Variants in GRHL2 observed in about 807,000 individuals in gnomAD.
GRHL2 encodes the protein grainyhead-like protein 2 homolog.
A neutral mutation model predicts 83.8 loss-of-function variants in GRHL2; 21 were observed. That is an observed-to-expected ratio of 0.25 (90% confidence interval 0.18 to 0.36). The LOEUF is 0.36. Among genes scored for constraint, GRHL2 ranks in the 10% least tolerant of loss-of-function variants. The pLI, the probability that GRHL2 is intolerant of heterozygous loss-of-function variation, is 1.00. For synonymous variants in GRHL2, 280 were observed against 278.9 expected, an observed-to-expected ratio of 1.00 and a Z score of -0.04; for missense variants, 623 against 781.8, an observed-to-expected ratio of 0.80 and a Z score of 2.42.
chr8:101,616,988 T>A (rs903135925), intron 8 of GRHL2, among the ~76,000 whole-genome samples: 1 of 152,242 alleles, frequency 6.6e-6, no homozygotes, highest in African/African-American at 2.4e-5. Flanking sequence ...TACATGTAGA[T>A]ACTTTATCCA....
intron 4 of GRHL2, among the ~76,000 whole-genome samples, chr8:101,566,159 G>GCAGT (rs1227181433): frequency 6.6e-6 from 1 of 152,110 alleles, no homozygotes; most frequent in East Asian, 1.9e-4. Context: ...AACATATGAT[G>GCAGT]CAGTGGCTAT....
At chr8:101,587,191 A>G (rs146432332) in intron 7 of GRHL2, among the ~76,000 whole-genome samples, 290 of 152,324 alleles carry the variant, frequency 1.9e-3, no homozygotes, top group Non-Finnish European at 2.8e-3. Context: ...AACTCAGTTT[A>G]TCTGGTTCCA....
At chr8:101,493,973 G>T (rs1163884742) in intron 1 of GRHL2, among the ~76,000 whole-genome samples, 1 of 152,140 alleles carries the variant, frequency 6.6e-6, no homozygotes, top group African/African-American at 2.4e-5. Context: ...GGCCTTTCTC[G>T]GGATTCGGCG....
chr8:101,560,968 G>A (rs550435902), intron 4 of GRHL2, among the ~76,000 whole-genome samples: 4 of 151,848 alleles, frequency 2.6e-5, no homozygotes, highest in African/African-American at 7.2e-5. Context: ...TTCCATGAGC[G>A]ACGGCATTTA....
chr8:101,604,676 T>G lies in GRHL2; in HGVS notation c.1098+5525T>G, dbSNP rs10955259. Among the ~76,000 whole-genome samples the G allele has an allele frequency of 2.0e-5, 3 of 151,888 alleles. No individual in the cohort carries two copies. The South Asian group carries it at 6.2e-4, about 32-fold the overall frequency. Reference sequence around the variant, plus strand: ...CTTCCTTGGTTTATTATACATAAGATTAAAAAAAGCCTTCTTTCCATGAAG... The same window carrying G: ...CTTCCTTGGTTTATTATACATAAGAGTAAAAAAAGCCTTCTTTCCATGAAG... On this transcript the variant is annotated intron_variant, in intron 8 of 15. Transcript: ENST00000646743.
chr8:101,567,916 T>TCAGCA (rs1356089819), intron 4 of GRHL2, among the ~76,000 whole-genome samples: 3 of 152,216 alleles, frequency 2.0e-5, no homozygotes, highest in Admixed American at 6.5e-5. Flanking sequence ...ATTCACCTGG[T>TCAGCA]TTTTATGGAT....
rs143146795 is a variant in GRHL2 at position 101,626,738 on chromosome 8, A to G, written c.1258-4899A>G. On this transcript the variant is annotated intron_variant, in intron 9 of 15. Transcript: ENST00000646743. Reference sequence around the variant, plus strand: ...ATGACAAATTTAGTATCTGTAGCAAATTATTCTCCTCTGGAAGAACTAGAC... The same window carrying G: ...ATGACAAATTTAGTATCTGTAGCAAGTTATTCTCCTCTGGAAGAACTAGAC... Among the ~76,000 whole-genome samples the G allele has an allele frequency of 4.2e-3, 639 of 152,200 alleles. 5 individuals carry two copies. The highest frequency in any genetic ancestry group is 0.014 in the African/African-American group (594 of 41,556).
chr8:101,540,470 G>T (rs1391514041), intron 1 of GRHL2, among the ~76,000 whole-genome samples: 1 of 152,142 alleles, frequency 6.6e-6, no homozygotes, highest in Non-Finnish European at 1.5e-5. Flanking sequence ...ATTTGCAATT[G>T]AGTCAATGTT....
In GRHL2 at chr8:101,667,619, C is replaced by T. The variant is rs1321035548; in HGVS notation, c.*916C>T. The T allele has an allele frequency of 6.6e-6, 1 of 152,432 alleles. No homozygotes were observed. The highest frequency in any genetic ancestry group is 2.4e-5 in the African/African-American group (1 of 41,446). 9.4% of individuals were successfully genotyped at this position (152,432 alleles called of 1,614,324 possible). A position where few individuals can be genotyped will look rare whatever the true frequency, so the allele number is the denominator to read the frequency against. ...CTTCTCCATGGGCATGACTCTCCTT[C>T]GAGGCCACCACGTTTATCTCACAAT... is the stretch of plus-strand genomic sequence containing the variant. On this transcript the variant is annotated 3_prime_UTR_variant, in exon 16 of 16. Transcript: ENST00000646743.
At chr8:101,509,208 C>CG (rs1563556261) in intron 1 of GRHL2, among the ~76,000 whole-genome samples, 12 of 4,112 alleles carry the variant, frequency 2.9e-3, no homozygotes, top group African/African-American at 6.5e-3. Context: ...TTTCTTTCTT[C>CG]TTGTGTGTGT....
chr8:101,585,185 A>G (rs1488917548), intron 7 of GRHL2, among the ~76,000 whole-genome samples: 2 of 152,182 alleles, frequency 1.3e-5, no homozygotes, highest in Non-Finnish European at 2.9e-5. Flanking sequence ...GCTTCCCACC[A>G]TCCCACCTAG....
At chr8:101,660,456 CTTCT>C (rs1479922219) in intron 14 of GRHL2, among the ~76,000 whole-genome samples, 8 of 152,072 alleles carry the variant, frequency 5.3e-5, no homozygotes, top group Non-Finnish European at 1.0e-4. Context: ...TATAGCTGGG[CTTCT>C]TTCTTTATCT....
At chr8:101,508,211 C>A (rs1299987283) in intron 1 of GRHL2, among the ~76,000 whole-genome samples, 1 of 152,082 alleles carries the variant, frequency 6.6e-6, no homozygotes, top group Non-Finnish European at 1.5e-5. Context: ...TTCATATTTC[C>A]AAATTGCCAT....
Position 101,612,481 on chromosome 8 carries a change from T to TTAGATAGATAGA in GRHL2, c.1099-7027_1099-7016dup, listed in dbSNP as rs71574030. Among the ~76,000 whole-genome samples the TTAGATAGATAGA allele has an allele frequency of 6.7e-4, 93 of 139,686 alleles. 1 individual carries two copies. Among genetic ancestry groups the TTAGATAGATAGA allele is most frequent in the South Asian group, 4.5e-4 (2 of 4,410 alleles). 91.6% of individuals were successfully genotyped at this position (139,686 alleles called of 152,430 possible). On this transcript the variant is annotated intron_variant, in intron 8 of 15. Coordinates refer to ENST00000646743, the MANE Select transcript of GRHL2 (RefSeq NM_024915.4). The stretch of plus-strand genomic sequence containing the variant: ...TTCAGAGTGTGGATGGATGGATGGA[T>TTAGATAGATAGA]TAGATAGATAGATAGATAGATAGAT...
chr8:101,597,976 A>G (rs1227169951), intron 7 of GRHL2, among the ~76,000 whole-genome samples: 3 of 152,238 alleles, frequency 2.0e-5, no homozygotes, highest in Non-Finnish European at 2.9e-5. Flanking sequence ...TTTTGAAGAT[A>G]AGTATATCCC....
intron 2 of GRHL2, among the ~76,000 whole-genome samples, chr8:101,550,671 T>G (rs1811362090): frequency 6.6e-6 from 1 of 152,198 alleles, no homozygotes; most frequent in African/African-American, 2.4e-5. Flanking sequence ...TTAAGTACAT[T>G]CACACTGTTG....
chr8:101,642,805 C>T (rs1352176873), intron 12 of GRHL2, among the ~76,000 whole-genome samples: 1 of 152,202 alleles, frequency 6.6e-6, no homozygotes, highest in Non-Finnish European at 1.5e-5. Context: ...CTCAAAGGTG[C>T]TTCTCTGAAT....
intron 11 of GRHL2, among the ~76,000 whole-genome samples, chr8:101,635,319 A>T (rs199510242): frequency 1.3e-5 from 2 of 152,170 alleles, no homozygotes; most frequent in East Asian, 3.8e-4. Context: ...AATGGGCCCA[A>T]CAGCTGACAT....
At chr8:101,509,245 G>GTGTGTT (rs1335878148) in intron 1 of GRHL2, among the ~76,000 whole-genome samples, 1 of 115,100 alleles carries the variant, frequency 8.7e-6, no homozygotes, top group Admixed American at 9.9e-5. Context: ...GTGTGTGTGT[G>GTGTGTT]TTTTGGCCTA....
Sources: allele counts gnomAD v4.1 joint callset (sites outside exome capture counted in the v4.1 genomes callset), GRCh38; gene constraint gnomAD v4.1.1; transcripts MANE v1.5; gene names NCBI Gene and HGNC (gene_info 2026-07-23, HGNC 2026-07-21).